Variants in PXDNL observed in about 807,000 individuals in gnomAD.
PXDNL encodes the protein peroxidasin like.
PXDNL carries 145 observed loss-of-function variants against 150.8 expected under a neutral mutation model. The observed-to-expected ratio is 0.96, with a 90% CI of 0.84 to 1.10. The LOEUF (loss-of-function observed/expected upper bound fraction) is 1.10, where lower values mean the gene tolerates loss of function less well. Ranked by LOEUF, PXDNL falls within the 50% of genes least tolerant of loss-of-function variation. The pLI is 0.00. For missense variants in PXDNL, 2,087 were observed against 1,873.9 expected, an observed-to-expected ratio of 1.11 and a Z score of -2.10; for synonymous variants, 757 against 725.7, an observed-to-expected ratio of 1.04 and a Z score of -0.69.
At chr8:51,436,254 T>C in intron 12 of PXDNL, 4 of 510,646 alleles carry the variant, frequency 7.8e-6, no homozygotes, top group South Asian at 5.8e-5. Flanking sequence ...GGATATGGTT[T>C]CAGAAGTTTT....
chr8:51,340,629 T>C (rs1805959821), intron 20 of PXDNL, among the ~76,000 whole-genome samples: 1 of 152,228 alleles, frequency 6.6e-6, no homozygotes, highest in Non-Finnish European at 1.5e-5. Flanking sequence ...GTAAAACAAG[T>C]CATAAATCAG....
At chr8:51,523,592 G>A (rs933195081) in intron 4 of PXDNL, among the ~76,000 whole-genome samples, 1 of 152,138 alleles carries the variant, frequency 6.6e-6, no homozygotes, top group Non-Finnish European at 1.5e-5. Flanking sequence ...GCTAGATGAT[G>A]CCCAATGTCC....
chr8:51,675,299 A>G (rs1471100584), intron 1 of PXDNL, among the ~76,000 whole-genome samples: 1 of 152,146 alleles, frequency 6.6e-6, no homozygotes, highest in Non-Finnish European at 1.5e-5. Flanking sequence ...AGGCCCTTAT[A>G]AAAGAGGCTT....
At chr8:51,557,506 T>C (rs1357869503) in intron 3 of PXDNL, among the ~76,000 whole-genome samples, 1 of 152,160 alleles carries the variant, frequency 6.6e-6, no homozygotes, top group Admixed American at 6.6e-5. Flanking sequence ...TCTTCAACCA[T>C]AGGTTAGTAA....
chr8:51,654,097 A>G (rs1815100254), intron 2 of PXDNL, among the ~76,000 whole-genome samples: 1 of 152,250 alleles, frequency 6.6e-6, no homozygotes, highest in Non-Finnish European at 1.5e-5. Flanking sequence ...ATCCAAATAC[A>G]AAACCAGCCA....
At chr8:51,594,996 GAACAA>G (rs1386445465) in intron 2 of PXDNL, among the ~76,000 whole-genome samples, 3 of 150,944 alleles carry the variant, frequency 2.0e-5, no homozygotes. Flanking sequence ...GATGCCAAAG[GAACAA>G]AACAAAACAA....
chr8:51,418,620 G>C (rs1808864153), intron 14 of PXDNL, among the ~76,000 whole-genome samples: 1 of 152,132 alleles, frequency 6.6e-6, no homozygotes, highest in Non-Finnish European at 1.5e-5. Context: ...TTAATGTATA[G>C]CATTTGGAAC....
rs111708198 is a variant in PXDNL, at chr8:51,574,271, T to TA, written c.309-17361dup. ...ACTGAAAAATACTTATCTACTGAAG[T>TA]AAAAAAAACTCAATGTATGGGTCAG... On this transcript the variant is annotated intron_variant, in intron 3 of 22. Transcript: ENST00000356297. 6.2e-3 allele frequency among the ~76,000 whole-genome samples: 939 copies of TA among 151,092 alleles called. 3 individuals carry two copies. The highest frequency in any genetic ancestry group is 0.022 in the African/African-American group (894 of 41,232).
At chr8:51,635,548 T>G (rs1006624490) in intron 2 of PXDNL, among the ~76,000 whole-genome samples, 2 of 151,846 alleles carry the variant, frequency 1.3e-5, no homozygotes, top group African/African-American at 4.8e-5. Flanking sequence ...TTAAAAGAGA[T>G]AAATAAAATA....
chr8:51,802,582 C>T (rs969290610), intron 1 of PXDNL, among the ~76,000 whole-genome samples: 1 of 152,138 alleles, frequency 6.6e-6, no homozygotes, highest in Non-Finnish European at 1.5e-5. Flanking sequence ...GATTGGACAT[C>T]GCTGGTCTAG....
intron 1 of PXDNL, among the ~76,000 whole-genome samples, chr8:51,760,945 G>C (rs59344101): frequency 7.5e-6 from 1 of 133,242 alleles, no homozygotes; most frequent in Admixed American, 8.5e-5. Context: ...TGCAAGCTCC[G>C]CCTCCCGGGT....
intron 18 of PXDNL, 60 bp from the exon 19 acceptor site, chr8:51,372,141 A>G: frequency 7.9e-7 from 1 of 1,264,488 alleles, no homozygotes; most frequent in South Asian, 1.3e-5. Context: ...ACTCAGCTGC[A>G]TGTCAAACAG....
At chr8:51,755,223 A>G (rs2037087553) in intron 1 of PXDNL, among the ~76,000 whole-genome samples, 2 of 152,214 alleles carry the variant, frequency 1.3e-5, no homozygotes, top group Non-Finnish European at 2.9e-5. Context: ...CTTGAGAAGC[A>G]TACCTTCATA....
chr8:51,386,931 T>A (rs1027244704), intron 17 of PXDNL, among the ~76,000 whole-genome samples: 1 of 152,260 alleles, frequency 6.6e-6, no homozygotes, highest in African/African-American at 2.4e-5. Flanking sequence ...ATAAATTTCA[T>A]TTATGTCCTC....
rs1266348361 is a variant in PXDNL, at chr8:51,753,460, A to C, written c.164+55721T>G. Among the ~76,000 whole-genome samples the C allele has an allele frequency of 2.0e-5, 3 of 152,220 alleles. No homozygotes were observed. The East Asian group carries it at 5.8e-4, about 29-fold the overall frequency. ...TGAGAATGTATTTCAAGTGCTCATA[A>C]ACTGACATAATTTCATTTGGAATTG... On this transcript the variant is annotated intron_variant, in intron 1 of 22. Transcript: ENST00000356297.
intron 4 of PXDNL, among the ~76,000 whole-genome samples, chr8:51,518,670 A>T (rs937303186): frequency 2.6e-5 from 4 of 152,340 alleles, no homozygotes; most frequent in Admixed American, 6.5e-5. Flanking sequence ...CTGCAGAAAA[A>T]GGAGGAGGTG....
intron 3 of PXDNL, among the ~76,000 whole-genome samples, chr8:51,586,432 C>T (rs1382731919): frequency 6.6e-6 from 1 of 152,112 alleles, no homozygotes; most frequent in Non-Finnish European, 1.5e-5. Context: ...TTTTAGGCCA[C>T]TAAATTCTGC....
chr8:51,700,971 A>G (rs903286012), intron 1 of PXDNL, among the ~76,000 whole-genome samples: 1 of 151,866 alleles, frequency 6.6e-6, no homozygotes, highest in Non-Finnish European at 1.5e-5. Flanking sequence ...ACACATACAC[A>G]AATTCATATA....
At chr8:51,747,683 A>G (rs2036999881) in intron 1 of PXDNL, among the ~76,000 whole-genome samples, 1 of 152,244 alleles carries the variant, frequency 6.6e-6, no homozygotes, top group Non-Finnish European at 1.5e-5. Flanking sequence ...CTTCCAGGCT[A>G]CACCTTGACA....
Sources: gnomAD v4.1 joint callset for allele counts (sites outside exome capture counted in the v4.1 genomes callset) on GRCh38, gnomAD v4.1.1 for gene constraint, MANE v1.5 for transcripts, NCBI Gene and HGNC (gene_info 2026-07-23, HGNC 2026-07-21) for gene names.